Variants in ARL8B observed in about 807,000 individuals in gnomAD.
ARL8B encodes ARF like GTPase 8B.
Under a neutral mutation model 30.6 loss-of-function variants are expected in ARL8B, and 9 were observed. That is an observed-to-expected ratio of 0.29 (90% CI 0.18 to 0.51). ARL8B has a LOEUF of 0.51. Among genes scored for constraint, ARL8B ranks in the 20% least tolerant of loss-of-function variants. The pLI, the probability that ARL8B is intolerant of heterozygous loss-of-function variation, is 0.97. For synonymous variants in ARL8B, 74 were observed against 76.0 expected, an observed-to-expected ratio of 0.97 and a Z score of 0.14; for missense variants, 130 against 227.2, an observed-to-expected ratio of 0.57 and a Z score of 2.75.
At chr3:5,122,794 G>A (rs973735384) in intron 1 of ARL8B, among the ~76,000 whole-genome samples, 4 of 152,350 alleles carry the variant, frequency 2.6e-5, no homozygotes, top group African/African-American at 7.2e-5. Context: ...GATCGGCAGC[G>A]GAAGGGTTAA....
intron 6 of ARL8B, among the ~76,000 whole-genome samples, chr3:5,178,338 C>T (rs1209622747): frequency 6.8e-6 from 1 of 147,290 alleles, no homozygotes; most frequent in African/African-American, 2.5e-5. Flanking sequence ...TGAGGGCAAA[C>T]AGGGGTTATT....
chr3:5,170,601 G>A lies in ARL8B; in HGVS notation c.204+18G>A, dbSNP rs561466789. ...CAATAAAGGTAAGTTATTTCTTGCC[G>A]TACGCAATTTAAATTGTTAGCACAG... On this transcript the variant is annotated intron_variant, in intron 2 of 6. Coordinates refer to ENST00000256496, the MANE Select transcript of ARL8B (RefSeq NM_018184.3). 11 of 1,582,062 alleles carry A rather than the reference G, an allele frequency of 7.0e-6. No individual in the cohort carries two copies. The highest frequency in any genetic ancestry group is 1.1e-5 in the South Asian group (1 of 89,068).
chr3:5,132,608 G>C (rs1489849081), intron 1 of ARL8B, among the ~76,000 whole-genome samples: 1 of 152,078 alleles, frequency 6.6e-6, no homozygotes, highest in African/African-American at 2.4e-5. Context: ...CCTTTTCACA[G>C]AGCCAAGACT....
intron 1 of ARL8B, among the ~76,000 whole-genome samples, chr3:5,138,484 T>C (rs754831324): frequency 2.0e-4 from 31 of 152,216 alleles, no homozygotes; most frequent in Non-Finnish European, 1.3e-4. Flanking sequence ...CAAGTTTTCT[T>C]TTCTGTAATA....
intron 1 of ARL8B, among the ~76,000 whole-genome samples, chr3:5,141,063 C>T (rs951911880): frequency 2.6e-5 from 4 of 152,154 alleles, no homozygotes; most frequent in Non-Finnish European, 4.4e-5. Flanking sequence ...TTATTATCCC[C>T]CTTATAAGGT....
chr3:5,152,949 T>G (rs2054497269), intron 1 of ARL8B, among the ~76,000 whole-genome samples: 1 of 152,264 alleles, frequency 6.6e-6, no homozygotes, highest in Non-Finnish European at 1.5e-5. Context: ...AATAATCATT[T>G]AATTATTTGT....
intron 1 of ARL8B, among the ~76,000 whole-genome samples, chr3:5,147,244 C>T (rs570375278): frequency 6.6e-6 from 1 of 152,108 alleles, no homozygotes; most frequent in Non-Finnish European, 1.5e-5. Context: ...TGTTCAGTTC[C>T]CACCTATGAG....
chr3:5,122,640 C>T, intron 1 of ARL8B, 52 bp downstream of exon 1: 1 of 1,557,146 alleles, frequency 6.4e-7, no homozygotes, highest in South Asian at 1.2e-5. Flanking sequence ...GGAGTCCGGC[C>T]CGGCGCTTCT....
intron 1 of ARL8B, among the ~76,000 whole-genome samples, chr3:5,145,676 C>T (rs2054412927): frequency 6.6e-6 from 1 of 152,202 alleles, no homozygotes; most frequent in South Asian, 2.1e-4. Context: ...TGAATTTCTT[C>T]TGGGGACCAT....
rs1018796003 is a variant in ARL8B at position 5,160,066 on chromosome 3, G to A, written c.124-10437G>A. On this transcript the variant is annotated intron_variant, in intron 1 of 6. Transcript: ENST00000256496. ...AACCCCACACAGCCTGCATGTGAAC[G>A]GTAATCATCTTTTTATATAAAAATG... is the stretch of plus-strand genomic sequence containing the variant. Among the ~76,000 whole-genome samples the A allele has an allele frequency of 6.6e-5, 10 of 152,070 alleles. No homozygotes were observed. In the East Asian group the frequency reaches 1.9e-3, roughly 29 times the overall value.
intron 1 of ARL8B, among the ~76,000 whole-genome samples, chr3:5,124,322 C>T (rs1466039899): frequency 7.1e-6 from 1 of 140,842 alleles, no homozygotes; most frequent in East Asian, 2.1e-4. Flanking sequence ...GCCAGGCCAG[C>T]CTTGAACTCC....
intron 1 of ARL8B, among the ~76,000 whole-genome samples, chr3:5,137,817 G>A (rs913134768): frequency 2.0e-5 from 3 of 151,906 alleles, no homozygotes; most frequent in Non-Finnish European, 4.4e-5. Flanking sequence ...TCAAACTCCC[G>A]GCCTCAAGTA....
rs183287531 is a variant in ARL8B at position 5,133,087 on chromosome 3, C to T, written c.123+10499C>T. On this transcript the variant is annotated intron_variant, in intron 1 of 6. Coordinates refer to ENST00000256496, the MANE Select transcript of ARL8B (RefSeq NM_018184.3). ...AATGTTCTTGCCCTTGTGGAACTGCCGATATCATGTGGGGAAAAAAGATAT... is the reference window on the plus strand; with the variant it reads ...AATGTTCTTGCCCTTGTGGAACTGCTGATATCATGTGGGGAAAAAAGATAT... Among the ~76,000 whole-genome samples, 53 of 136,210 alleles carry T rather than the reference C, an allele frequency of 3.9e-4. 1 individual carries two copies. In the East Asian group the frequency reaches 7.6e-3, roughly 19 times the overall value. The allele number at this position is 136,210 out of a possible 152,430, so 89.4% of individuals were successfully genotyped here.
intron 1 of ARL8B, among the ~76,000 whole-genome samples, chr3:5,141,144 T>C (rs1242139889): frequency 6.6e-6 from 1 of 152,252 alleles, no homozygotes; most frequent in Non-Finnish European, 1.5e-5. Flanking sequence ...TTTTAGGGGC[T>C]GACCCCTCCT....
chr3:5,178,207 A>G (rs762477470), intron 6 of ARL8B, among the ~76,000 whole-genome samples: 3 of 151,470 alleles, frequency 2.0e-5, no homozygotes, highest in Non-Finnish European at 4.4e-5. Context: ...GAGCTCCACA[A>G]TGTTTCATGC....
At chr3:5,135,775 T>C (rs1345676403) in intron 1 of ARL8B, among the ~76,000 whole-genome samples, 8 of 79,704 alleles carry the variant, frequency 1.0e-4, no homozygotes, top group African/African-American at 5.1e-4. Flanking sequence ...TTATTATTAT[T>C]ATTATTATTA....
chr3:5,165,471 G>C lies in ARL8B; in HGVS notation c.124-5032G>C, dbSNP rs1249659797. Among the ~76,000 whole-genome samples the C allele has an allele frequency of 2.0e-5, 3 of 151,962 alleles. No homozygotes were observed. The East Asian group carries it at 5.8e-4, about 29-fold the overall frequency. On this transcript the variant is annotated intron_variant, in intron 1 of 6. Coordinates refer to ENST00000256496, the MANE Select transcript of ARL8B (RefSeq NM_018184.3). ...CTCGTTTGCCCAGTGTGTGAATTTT[G>C]GAATTAAACAATTGAGTCCTAGTGT...
rs1385910563 is a variant in ARL8B, at chr3:5,153,683, A to G, written c.124-16820A>G. 4.6e-5 allele frequency among the ~76,000 whole-genome samples: 7 copies of G among 152,164 alleles called. No homozygotes were observed. The East Asian group carries it at 1.2e-3, about 25-fold the overall frequency. ...CAAACATTTTAAAGTATTTAAGGGG[A>G]GAAGAGTTTATTATATTTACCCAGG... On this transcript the variant is annotated intron_variant, in intron 1 of 6. Transcript: ENST00000256496.
At chr3:5,129,165 GT>G (rs2106552835) in intron 1 of ARL8B, among the ~76,000 whole-genome samples, 2 of 118,618 alleles carry the variant, frequency 1.7e-5, no homozygotes, top group South Asian at 5.2e-4. Context: ...GGTCTGAACA[GT>G]TTTTGTTTTT....
Sources: allele counts gnomAD v4.1 joint callset (sites outside exome capture counted in the v4.1 genomes callset), GRCh38; gene constraint gnomAD v4.1.1; transcripts MANE v1.5; gene names NCBI Gene and HGNC (gene_info 2026-07-23, HGNC 2026-07-21).